UBE3A: variants seen among roughly 807,000 people sequenced by gnomAD.
UBE3A encodes ubiquitin-protein ligase E3A.
A neutral mutation model predicts 83.4 loss-of-function variants in UBE3A; 6 were observed. The ratio of observed to expected loss-of-function variants is 0.07; its 90% CI spans 0.04 to 0.14. The LOEUF (loss-of-function observed/expected upper bound fraction) is 0.14, where lower values mean the gene tolerates loss of function less well. UBE3A is among the 10% of genes least tolerant of loss of function. UBE3A has a pLI of 1.00. For synonymous variants in UBE3A, 337 were observed against 355.4 expected, an observed-to-expected ratio of 0.95 and a Z score of 0.58; for missense variants, 456 against 1,036.1, an observed-to-expected ratio of 0.44 and a Z score of 7.69.
intron 6 of UBE3A, among the ~76,000 whole-genome samples, chr15:25,361,396 T>C (rs941125324): frequency 1.3e-5 from 2 of 152,154 alleles, no homozygotes; most frequent in Admixed American, 1.3e-4. Context: ...AGTGCTGGGA[T>C]TACAGGCGTG....
intron 6 of UBE3A, among the ~76,000 whole-genome samples, chr15:25,362,469 A>T (rs923410779): frequency 6.6e-6 from 1 of 152,122 alleles, no homozygotes; most frequent in Non-Finnish European, 1.5e-5. Context: ...CAGTTTCCTC[A>T]ACATACTGTA....
intron 4 of UBE3A, among the ~76,000 whole-genome samples, chr15:25,382,816 G>A (rs1336658108): frequency 1.3e-5 from 2 of 152,004 alleles, no homozygotes; most frequent in Non-Finnish European, 2.9e-5. Context: ...AGACTAATAT[G>A]AACAACTATG....
At chr15:25,374,694 T>A (rs1016830011) in intron 5 of UBE3A, 1 of 152,060 alleles carries the variant, frequency 6.6e-6, no homozygotes, top group African/African-American at 2.4e-5. Flanking sequence ...ATTCTCTGAC[T>A]TGTATGTCAT....
In UBE3A at chr15:25,338,083, C is replaced by T. The variant is rs1276872681; in HGVS notation, c.*1054G>A. ...TTTCATTATGTTGCAACACTGATCA[C>T]GTGCCTCGATAAAATGGCTGATTCA... On this transcript the variant is annotated 3_prime_UTR_variant, in exon 13 of 13. Transcript: ENST00000648336. 3 of 152,092 alleles carry T rather than the reference C, an allele frequency of 2.0e-5. No individual in the cohort carries two copies. Among genetic ancestry groups the T allele is most frequent in the Admixed American group, 6.6e-5 (1 of 15,264 alleles). 9.4% of individuals were successfully genotyped at this position (152,092 alleles called of 1,614,324 possible). A position where few individuals can be genotyped will look rare whatever the true frequency, so the allele number is the denominator to read the frequency against.
chr15:25,394,903 G>A (rs1434682784), intron 4 of UBE3A, among the ~76,000 whole-genome samples: 1 of 152,036 alleles, frequency 6.6e-6, no homozygotes, highest in African/African-American at 2.4e-5. Context: ...CCATTCTAGT[G>A]GTAAAGAAGC....
Position 25,370,537 on chromosome 15 carries a change from T to C in UBE3A, c.1608+29A>G, listed in dbSNP as rs756710925. 1 of 1,613,774 alleles carries C rather than the reference T, an allele frequency of 6.2e-7. No individual in the cohort carries two copies. Among genetic ancestry groups the C allele is most frequent in the African/African-American group, 1.3e-5 (1 of 75,038 alleles). ...AACTGTATCATGATATCCCCATTATTAGGTTTTTAATCTAGCAGCCCAACT... is the reference window on the plus strand; with the variant it reads ...AACTGTATCATGATATCCCCATTATCAGGTTTTTAATCTAGCAGCCCAACT... On this transcript the variant is annotated intron_variant, in intron 6 of 12. Transcript: ENST00000648336. This position sits in a 1 kb window ranked among gnomAD's most constrained non-coding sequence, Gnocchi z 4.2.
intron 4 of UBE3A, among the ~76,000 whole-genome samples, chr15:25,391,995 T>G (rs1210011379): frequency 2.0e-5 from 3 of 152,058 alleles, no homozygotes; most frequent in African/African-American, 7.2e-5. Context: ...TAAGTTCAGG[T>G]AGCAGTCCTC....
intron 12 of UBE3A, chr15:25,339,485 T>C (rs1006110677): frequency 1.6e-5 from 7 of 433,048 alleles, no homozygotes; most frequent in Non-Finnish European, 2.5e-5. Flanking sequence ...ATTGAGTTTT[T>C]ACTACATAAC....
intron 11 of UBE3A, chr15:25,345,896 AGAAACATAAAGGT>A (rs1210844656): frequency 7.9e-5 from 12 of 152,356 alleles, no homozygotes; most frequent in Admixed American, 2.0e-4. Flanking sequence ...CTAAACTAGA[AGAAACATAAAGGT>A]GAATAAAACA....
chr15:25,431,634 C>T (rs146611520), intron 1 of UBE3A, among the ~76,000 whole-genome samples: 1,612 of 152,200 alleles, frequency 0.011, 23 homozygotes, highest in Middle Eastern at 0.034. Context: ...TGAGCCAAGG[C>T]GCCCAGCCTA....
intron 11 of UBE3A, 51 bp downstream of exon 11, chr15:25,354,302 A>T: frequency 1.3e-6 from 2 of 1,565,736 alleles, no homozygotes; most frequent in Non-Finnish European, 1.8e-6. Context: ...AAGCAAAATC[A>T]CACACCCCTT....
intron 1 of UBE3A, chr15:25,418,289 C>T (rs945409354): frequency 2.0e-5 from 3 of 152,040 alleles, no homozygotes; most frequent in Non-Finnish European, 4.4e-5. Flanking sequence ...AACACATCAA[C>T]TAACCAAGAA....
At position 25,370,042 on chromosome 15, in the gene UBE3A, T is replaced by C. The variant is rs377644594; in HGVS notation, c.1608+524A>G. Among the ~76,000 whole-genome samples, 87 of 152,272 alleles carry C rather than the reference T, an allele frequency of 5.7e-4. 1 individual carries two copies. The South Asian group carries it at 0.017, about 30-fold the overall frequency. On this transcript the variant is annotated intron_variant, in intron 6 of 12. Transcript: ENST00000648336. The surrounding 1 kb of genome is among the most constrained non-coding windows in gnomAD (Gnocchi z 4.2). ...GGCAGTGCCGTCCACACAGGGATAT[T>C]CTAAGTGGCCCAGCAGGACTCAACT...
chr15:25,419,726 T>C (rs1299601803), intron 1 of UBE3A, among the ~76,000 whole-genome samples: 1 of 152,148 alleles, frequency 6.6e-6, no homozygotes, highest in Non-Finnish European at 1.5e-5. Flanking sequence ...CATATAGAAG[T>C]AAAATGTTAA....
Position 25,398,946 on chromosome 15 carries a change from CTT to C in UBE3A, c.62+6513_62+6514del, listed in dbSNP as rs147672223. The stretch of plus-strand genomic sequence containing the variant: ...CATTCCTGCCATGCGCAATATATCT[CTT>C]GTCTGCAAATCCTCATCATACTTTA... On this transcript the variant is annotated intron_variant, in intron 4 of 12. Transcript: ENST00000648336. 2.2e-3 allele frequency among the ~76,000 whole-genome samples: 336 copies of C among 151,214 alleles called. 2 individuals carry two copies. Among genetic ancestry groups the C allele is most frequent in the African/African-American group, 6.9e-3 (285 of 41,284 alleles).
chr15:25,427,908 A>G (rs572228903), intron 1 of UBE3A, among the ~76,000 whole-genome samples: 1 of 152,262 alleles, frequency 6.6e-6, no homozygotes, highest in Non-Finnish European at 1.5e-5. Flanking sequence ...AGCTATAAAA[A>G]TAAGAATAAA....
chr15:25,357,030 T>C (rs556501459), intron 7 of UBE3A, 134 bp from the exon 8 acceptor site: 1 of 742,270 alleles, frequency 1.3e-6, no homozygotes. Flanking sequence ...GCAACATTGA[T>C]TTCTATTATA....
At chr15:25,427,617 A>C (rs899552641) in intron 1 of UBE3A, among the ~76,000 whole-genome samples, 2 of 147,490 alleles carry the variant, frequency 1.4e-5, no homozygotes, top group African/African-American at 2.5e-5. Flanking sequence ...AAAAAAAAAA[A>C]AAAAAAAAAA....
chr15:25,387,033 CAAAT>C (rs1273153072), intron 4 of UBE3A, among the ~76,000 whole-genome samples: 2 of 152,072 alleles, frequency 1.3e-5, no homozygotes, highest in Non-Finnish European at 2.9e-5. Flanking sequence ...ATTGATCTAA[CAAAT>C]AAGAATTTGT....
Sources: allele counts gnomAD v4.1 joint callset (sites outside exome capture counted in the v4.1 genomes callset), GRCh38; gene constraint gnomAD v4.1.1; non-coding constraint Gnocchi (gnomAD v3.1); transcripts MANE v1.5; gene names NCBI Gene and HGNC (gene_info 2026-07-23, HGNC 2026-07-21).